SCAPER: variants seen among roughly 807,000 people sequenced by gnomAD.
SCAPER encodes S-phase cyclin A associated protein in the ER, also known as S phase cyclin A-associated protein in the endoplasmic reticulum.
SCAPER carries 98 observed loss-of-function variants against 182.2 expected under a neutral mutation model. That is an observed-to-expected ratio of 0.54 (90% CI 0.46 to 0.64). The LOEUF (loss-of-function observed/expected upper bound fraction) is 0.64. Ranked by LOEUF, SCAPER falls within the 30% of genes least tolerant of loss-of-function variation. SCAPER has a pLI of 0.00. For missense variants in SCAPER, 1,432 were observed against 1,690.0 expected (o/e 0.85, Z 2.68); for synonymous variants, 605 against 564.6 (o/e 1.07, Z -1.01).
intron 14 of SCAPER, among the ~76,000 whole-genome samples, chr15:76,759,701 T>G (rs1358482386): frequency 6.6e-6 from 1 of 152,250 alleles, no homozygotes; most frequent in Non-Finnish European, 1.5e-5. Context: ...CAAGTGTTTA[T>G]CCTGCATCTG....
At chr15:76,676,103 G>A (rs1221633211) in intron 20 of SCAPER, among the ~76,000 whole-genome samples, 3 of 152,206 alleles carry the variant, frequency 2.0e-5, no homozygotes, top group Non-Finnish European at 4.4e-5. Flanking sequence ...GAGATTACAG[G>A]CGTGAGCCAC....
At chr15:76,715,710 C>A (rs1456594717) in intron 17 of SCAPER, among the ~76,000 whole-genome samples, 1 of 152,124 alleles carries the variant, frequency 6.6e-6, no homozygotes, top group Non-Finnish European at 1.5e-5. Flanking sequence ...TCCCAAATGG[C>A]AACTGTTCAC....
chr15:76,811,632 A>C (rs1330856724), intron 5 of SCAPER, among the ~76,000 whole-genome samples: 1 of 152,014 alleles, frequency 6.6e-6, no homozygotes, highest in African/African-American at 2.4e-5. Context: ...ACTACTAAAA[A>C]TACAAAATTA....
intron 20 of SCAPER, among the ~76,000 whole-genome samples, chr15:76,673,977 AC>A (rs2057204225): frequency 1.3e-5 from 2 of 151,492 alleles, no homozygotes; most frequent in Non-Finnish European, 3.0e-5. Context: ...ACACACACAC[AC>A]ACACACACAC....
chr15:76,813,731 C>A, intron 5 of SCAPER, among the ~76,000 whole-genome samples: 1 of 152,182 alleles, frequency 6.6e-6, no homozygotes, highest in Middle Eastern at 3.4e-3. Context: ...GAATCAAATA[C>A]TTAGGAATAA....
intron 21 of SCAPER, among the ~76,000 whole-genome samples, chr15:76,639,113 T>C (rs2053887069): frequency 6.6e-6 from 1 of 152,176 alleles, no homozygotes. Context: ...CTTTATATGC[T>C]GGAATAAAGA....
At chr15:76,431,704 A>C (rs1048677950) in intron 26 of SCAPER, among the ~76,000 whole-genome samples, 3 of 127,582 alleles carry the variant, frequency 2.4e-5, no homozygotes, top group African/African-American at 8.0e-5. Flanking sequence ...AAAAAAAAAA[A>C]TGCTTTGTTT....
chr15:76,750,025 A>G (rs1045343573), intron 15 of SCAPER, among the ~76,000 whole-genome samples: 1 of 151,984 alleles, frequency 6.6e-6, no homozygotes, highest in African/African-American at 2.4e-5. Context: ...ACTGGTATAA[A>G]AACAGGCACA....
chr15:76,542,207 T>C (rs2044819155), intron 23 of SCAPER, among the ~76,000 whole-genome samples: 1 of 152,070 alleles, frequency 6.6e-6, no homozygotes, highest in African/African-American at 2.4e-5. Flanking sequence ...ACTTGCCAAG[T>C]GTTATCAGGG....
At position 76,429,374 on chromosome 15, in the gene SCAPER, G is replaced by A. The variant is rs375621495; in HGVS notation, c.3311+4704C>T. 5.3e-5 allele frequency among the ~76,000 whole-genome samples: 8 copies of A among 152,312 alleles called. No individual in the cohort carries two copies. In the East Asian group the frequency reaches 1.4e-3, roughly 26 times the overall value. On this transcript the variant is annotated intron_variant, in intron 26 of 31. Coordinates refer to ENST00000563290, the MANE Select transcript of SCAPER (RefSeq NM_020843.4). ...TGGGTAACAGGTAAAGGTTGGAACA[G>A]TTTGGAGGGCTCAGAAGAAGACAGG...
chr15:76,566,935 G>A lies in SCAPER; in HGVS notation c.2838+7223C>T, dbSNP rs2047078214. ...TTGAACACTGTGTAACCAGTATCCA[G>A]TCAAGAAAAAGAAAACTAGAAGCAC... On this transcript the variant is annotated intron_variant, in intron 23 of 31. Transcript: ENST00000563290. 1.3e-5 allele frequency among the ~76,000 whole-genome samples: 2 copies of A among 152,118 alleles called. 1 individual carries two copies.
Position 76,603,137 on chromosome 15 carries a change from A to C in SCAPER, c.2711+18627T>G, listed in dbSNP as rs935667247. On this transcript the variant is annotated intron_variant, in intron 22 of 31. Coordinates refer to ENST00000563290, the MANE Select transcript of SCAPER (RefSeq NM_020843.4). ...GCCACGTTGGTGTGCTGCACCCATT[A>C]ACTCGTCATTTAGCATTAGGTATAT... Among the ~76,000 whole-genome samples, 8 of 118,416 alleles carry C rather than the reference A, an allele frequency of 6.8e-5. 1 individual carries two copies. The highest frequency in any genetic ancestry group is 2.0e-4 in the African/African-American group (8 of 39,236). The allele number at this position is 118,416 out of a possible 152,430, so 77.7% of individuals were successfully genotyped here.
At chr15:76,523,327 T>A (rs1222710415) in intron 23 of SCAPER, among the ~76,000 whole-genome samples, 1 of 152,122 alleles carries the variant, frequency 6.6e-6, no homozygotes, top group Non-Finnish European at 1.5e-5. Flanking sequence ...TAAGTTTGGA[T>A]ATGCCACATT....
intron 23 of SCAPER, among the ~76,000 whole-genome samples, chr15:76,537,869 C>G (rs552097351): frequency 6.6e-6 from 1 of 151,994 alleles, no homozygotes; most frequent in East Asian, 1.9e-4. Context: ...AACAAATTTA[C>G]GAGAAAAAAA....
intron 25 of SCAPER, among the ~76,000 whole-genome samples, chr15:76,469,566 G>A (rs1294238379): frequency 6.6e-6 from 1 of 152,070 alleles, no homozygotes; most frequent in Non-Finnish European, 1.5e-5. Context: ...CCTCCATTCT[G>A]TGACAGTTCC....
chr15:76,552,731 T>A lies in SCAPER; in HGVS notation c.2838+21427A>T, dbSNP rs546822921. 2.6e-5 allele frequency among the ~76,000 whole-genome samples: 4 copies of A among 152,244 alleles called. No individual in the cohort carries two copies. In the East Asian group the frequency reaches 7.7e-4, roughly 29 times the overall value. ...TGATGCAGTGCAGCATGGCCAGGGA[T>A]GTCCATGCCTGCCCCCACCCCCAGC... On this transcript the variant is annotated intron_variant, in intron 23 of 31. Coordinates refer to ENST00000563290, the MANE Select transcript of SCAPER (RefSeq NM_020843.4).
At chr15:76,838,142 A>C (rs1437503296) in intron 5 of SCAPER, among the ~76,000 whole-genome samples, 1 of 152,218 alleles carries the variant, frequency 6.6e-6, no homozygotes, top group Non-Finnish European at 1.5e-5. Context: ...AAAGACATGG[A>C]ATCAACCTAG....
intron 25 of SCAPER, among the ~76,000 whole-genome samples, chr15:76,458,044 T>C (rs751991658): frequency 6.6e-6 from 1 of 152,138 alleles, no homozygotes; most frequent in Non-Finnish European, 1.5e-5. Context: ...TTGATGGATA[T>C]AGAATTCCAG....
At position 76,518,947 on chromosome 15, in the gene SCAPER, C is replaced by T. The variant is rs559887783; in HGVS notation, c.2839-13973G>A. On this transcript the variant is annotated intron_variant, in intron 23 of 31. Coordinates refer to ENST00000563290, the MANE Select transcript of SCAPER (RefSeq NM_020843.4). ...TTACTGAAGAGTTAATATTGCCCCA[C>T]TGAATTCTAACTTTAGAGCTACTCT... Among the ~76,000 whole-genome samples the T allele has an allele frequency of 7.2e-5, 11 of 152,332 alleles. No homozygotes were observed. The South Asian group carries it at 2.3e-3, about 32-fold the overall frequency.
Sources: allele counts gnomAD v4.1 joint callset (sites outside exome capture counted in the v4.1 genomes callset), GRCh38; gene constraint gnomAD v4.1.1; transcripts MANE v1.5; gene names NCBI Gene and HGNC (gene_info 2026-07-23, HGNC 2026-07-21).